PRKCA: variants seen among roughly 807,000 people sequenced by gnomAD.
PRKCA encodes the protein protein kinase C alpha.
In PRKCA, 27 loss-of-function variants were observed where a neutral mutation model predicts 87.0. That is an observed-to-expected ratio of 0.31 (90% CI 0.23 to 0.43). PRKCA has a LOEUF of 0.43. Ranked by LOEUF, PRKCA falls within the 20% of genes least tolerant of loss-of-function variation. The probability of loss-of-function intolerance (pLI) is 1.00; values close to 1 mark genes in which losing one functional copy is unlikely to be tolerated. For synonymous variants in PRKCA, 329 were observed against 311.1 expected (o/e 1.06, Z -0.61); for missense variants, 518 against 852.3 (o/e 0.61, Z 4.88).
intron 3 of PRKCA, among the ~76,000 whole-genome samples, chr17:66,556,976 G>T (rs1485502217): frequency 6.6e-6 from 1 of 152,168 alleles, no homozygotes; most frequent in Admixed American, 6.5e-5. Context: ...AGCAATTTGG[G>T]TCAATGGAGG....
At chr17:66,739,006 C>T in intron 11 of PRKCA, 151 bp downstream of exon 11, 1 of 629,372 alleles carries the variant, frequency 1.6e-6, no homozygotes, top group East Asian at 2.9e-5. Context: ...CCTCAGCCTC[C>T]TGAGTAGCTG....
At chr17:66,634,637 C>T (rs1037392046) in intron 3 of PRKCA, among the ~76,000 whole-genome samples, 12 of 152,174 alleles carry the variant, frequency 7.9e-5, no homozygotes, top group African/African-American at 2.9e-4. Context: ...TAGTTGCTTT[C>T]ATACACATTT....
At chr17:66,339,199 A>T (rs1906889795) in intron 2 of PRKCA, among the ~76,000 whole-genome samples, 1 of 152,226 alleles carries the variant, frequency 6.6e-6, no homozygotes, top group Non-Finnish European at 1.5e-5. Context: ...ACACTGTTAT[A>T]TCTGGAGTTA....
intron 2 of PRKCA, among the ~76,000 whole-genome samples, chr17:66,433,358 A>G (rs950166628): frequency 3.0e-4 from 46 of 152,098 alleles, no homozygotes; most frequent in Non-Finnish European, 6.2e-4. Context: ...GTTTCCTATA[A>G]ACATAGTCAA....
intron 3 of PRKCA, among the ~76,000 whole-genome samples, chr17:66,586,622 T>A (rs1969605709): frequency 1.3e-5 from 2 of 152,210 alleles, no homozygotes; most frequent in South Asian, 2.1e-4. Context: ...AATGGGAAGC[T>A]GGTGCTTTAT....
At chr17:66,728,013 C>T (rs1281016552) in intron 8 of PRKCA, among the ~76,000 whole-genome samples, 2 of 152,198 alleles carry the variant, frequency 1.3e-5, no homozygotes, top group Non-Finnish European at 2.9e-5. Flanking sequence ...TGCTCAAAGC[C>T]GGCCCAGACC....
chr17:66,371,510 A>G (rs770695393), intron 2 of PRKCA, among the ~76,000 whole-genome samples: 2 of 152,206 alleles, frequency 1.3e-5, no homozygotes, highest in Non-Finnish European at 2.9e-5. Context: ...CTGGGTTTAC[A>G]TCTCAGCTCT....
intron 3 of PRKCA, among the ~76,000 whole-genome samples, chr17:66,570,850 G>T (rs1463398533): frequency 6.6e-6 from 1 of 152,114 alleles, no homozygotes. Flanking sequence ...AGAGCCCTGG[G>T]TTCTAGTTAC....
At chr17:66,763,996 G>A (rs1019594381) in intron 13 of PRKCA, among the ~76,000 whole-genome samples, 22 of 152,140 alleles carry the variant, frequency 1.4e-4, no homozygotes, top group Admixed American at 1.4e-3. Context: ...AGCTGTCTAG[G>A]GAACCCCACT....
intron 2 of PRKCA, among the ~76,000 whole-genome samples, chr17:66,343,159 T>TTTA (rs1476577437): frequency 6.6e-6 from 1 of 152,122 alleles, no homozygotes; most frequent in Non-Finnish European, 1.5e-5. Flanking sequence ...TCTTGTTTGG[T>TTTA]TTACCGTGCT....
chr17:66,577,515 C>T (rs949450491), intron 3 of PRKCA, among the ~76,000 whole-genome samples: 5 of 152,108 alleles, frequency 3.3e-5, no homozygotes, highest in African/African-American at 1.2e-4. Context: ...CTGACTCAGT[C>T]CACTTTTAGT....
At chr17:66,643,710 G>A (rs1971372231) in intron 4 of PRKCA, among the ~76,000 whole-genome samples, 1 of 152,160 alleles carries the variant, frequency 6.6e-6, no homozygotes, top group African/African-American at 2.4e-5. Flanking sequence ...GACAGGAGGA[G>A]AGCAAGCCGA....
intron 2 of PRKCA, among the ~76,000 whole-genome samples, chr17:66,364,641 T>A (rs1908594474): frequency 6.6e-6 from 1 of 151,418 alleles, no homozygotes; most frequent in Non-Finnish European, 1.5e-5. Flanking sequence ...GCAGGGAGGG[T>A]GTGATTGATG....
chr17:66,546,008 T>A (rs2058867627), intron 3 of PRKCA, among the ~76,000 whole-genome samples: 1 of 152,244 alleles, frequency 6.6e-6, no homozygotes, highest in South Asian at 2.1e-4. Context: ...ATACTTCGTT[T>A]TTTATCCTTT....
rs372754281 is a variant in PRKCA at position 66,345,246 on chromosome 17, C to T, written c.205+39119C>T. On this transcript the variant is annotated intron_variant, in intron 2 of 16. Transcript: ENST00000413366. ...TATATGTTACCACCATTACTTCCTA[C>T]ACCAGTTTTCTAGCTACTTTTGTGT... Among the ~76,000 whole-genome samples, 8 of 152,192 alleles carry T rather than the reference C, an allele frequency of 5.3e-5. No individual in the cohort carries two copies. In the East Asian group the frequency reaches 1.4e-3, roughly 26 times the overall value.
intron 3 of PRKCA, 53 bp downstream of exon 3, chr17:66,496,336 A>G (rs1465652313): frequency 1.3e-6 from 2 of 1,487,864 alleles, no homozygotes; most frequent in East Asian, 4.5e-5. Flanking sequence ...CTGAGCTTTA[A>G]TTTTTTTAAC....
intron 1 of PRKCA, among the ~76,000 whole-genome samples, chr17:66,305,463 A>G (rs1904766236): frequency 6.6e-6 from 1 of 152,352 alleles, no homozygotes; most frequent in African/African-American, 2.4e-5. Flanking sequence ...TAAATTCTCT[A>G]AAGTCATGTA....
chr17:66,683,002 C>T (rs538874123), intron 5 of PRKCA, among the ~76,000 whole-genome samples: 2 of 152,136 alleles, frequency 1.3e-5, no homozygotes, highest in South Asian at 2.1e-4. Context: ...CATTAAATTA[C>T]GTGATGAGTT....
intron 2 of PRKCA, among the ~76,000 whole-genome samples, chr17:66,328,737 G>A (rs1906144365): frequency 6.6e-6 from 1 of 152,192 alleles, no homozygotes; most frequent in Admixed American, 6.5e-5. Flanking sequence ...GGCGGAGGTT[G>A]CAATGAGCTG....
Sources: allele counts gnomAD v4.1 joint callset (sites outside exome capture counted in the v4.1 genomes callset), GRCh38; gene constraint gnomAD v4.1.1; transcripts MANE v1.5; gene names NCBI Gene and HGNC (gene_info 2026-07-23, HGNC 2026-07-21).